Variants in USP9X observed in about 807,000 individuals in gnomAD.
The protein encoded by USP9X is ubiquitin carboxyl-terminal hydrolase 9X.
In USP9X, 7 loss-of-function variants were observed where a neutral mutation model predicts 190.3. The observed-to-expected ratio is 0.04, with a 90% confidence interval of 0.02 to 0.07. The LOEUF (loss-of-function observed/expected upper bound fraction) is 0.07, where lower values mean the gene tolerates loss of function less well. Ranked by LOEUF, USP9X falls within the 10% of genes least tolerant of loss-of-function variation. The pLI is 1.00. For synonymous variants in USP9X, 645 were observed against 659.5 expected, an observed-to-expected ratio of 0.98 and a Z score of 0.34; for missense variants, 1,010 against 1,916.9, an observed-to-expected ratio of 0.53 and a Z score of 8.83.
chrX:41,159,696 AT>A (rs778019374), intron 14 of USP9X, among the ~76,000 whole-genome samples: 10 of 107,405 alleles, frequency 9.3e-5, no homozygotes, highest in African/African-American at 3.0e-4. Flanking sequence ...TTCCCGGCTA[AT>A]TTTTTTTTTG....
chrX:41,170,540 C>T lies in USP9X; in HGVS notation c.2948C>T (p.Ser983Phe). The change falls in exon 20 of 45, where the codon TCC (serine) becomes TTC (phenylalanine). Residue 983 changes from serine (S) to phenylalanine (F), a missense_variant. Physicochemically the swap from Ser to Phe is radical, Grantham distance 155. Transcript: ENST00000378308. The stretch of plus-strand genomic sequence containing the variant: ...AGCCCTGATAGCTCTTCTGATTCCT[C>T]CACTGGATCTCCTGGAAACCATGGT... ...PSSPDSSSDS[S>F]TGSPGNHGNH... 1 of 1,211,192 alleles carries T rather than the reference C, an allele frequency of 8.3e-7. No individual in the cohort carries two copies. The highest frequency in any genetic ancestry group is 1.7e-5 in the African/African-American group (1 of 57,801).
intron 1 of USP9X, among the ~76,000 whole-genome samples, chrX:41,108,967 G>A (rs748492471): frequency 9.0e-6 from 1 of 111,220 alleles, no homozygotes; most frequent in East Asian, 2.8e-4. Flanking sequence ...TCAAAGTTGG[G>A]GGTGTTGAGA....
At chrX:41,100,557 A>G in intron 1 of USP9X, among the ~76,000 whole-genome samples, 1 of 111,766 alleles carries the variant, frequency 8.9e-6, no homozygotes, top group Non-Finnish European at 1.9e-5. Context: ...CCTGTCTTGC[A>G]TTTCCAACGG....
chrX:41,099,798 A>G (rs1738572370), intron 1 of USP9X, among the ~76,000 whole-genome samples: 1 of 111,763 alleles, frequency 8.9e-6, no homozygotes. Flanking sequence ...GGAGATCGAG[A>G]CCATCCTGAC....
At chrX:41,171,760 CAG>C (rs2062728094) in intron 20 of USP9X, 76 bp from the exon 21 acceptor site, 10 of 1,092,707 alleles carry the variant, frequency 9.2e-6, no homozygotes, top group South Asian at 5.7e-5. Flanking sequence ...GGGATTAACA[CAG>C]AGAAACTTAC....
chrX:41,132,786 A>G (rs999033621), intron 4 of USP9X, among the ~76,000 whole-genome samples: 7 of 108,444 alleles, frequency 6.5e-5, no homozygotes, highest in Non-Finnish European at 1.3e-4. Flanking sequence ...GAAAGGTGTG[A>G]TTTTTCTCTT....
Position 41,147,771 on chromosome X carries a change from C to T in USP9X, c.1420-598C>T, listed in dbSNP as rs544625070. ...CCCGGTCAGCTTAATCGTTCTTCTG[C>T]TGTTTGACGTTAAGTTCGTTTCAGT... On this transcript the variant is annotated intron_variant, in intron 11 of 44. Transcript: ENST00000378308. 6.2e-5 allele frequency among the ~76,000 whole-genome samples: 7 copies of T among 112,162 alleles called. No homozygotes were observed. In the South Asian group the frequency reaches 2.6e-3, roughly 41 times the overall value.
chrX:41,099,466 C>T (rs920226514), intron 1 of USP9X, among the ~76,000 whole-genome samples: 1 of 110,613 alleles, frequency 9.0e-6, no homozygotes, highest in Non-Finnish European at 1.9e-5. Flanking sequence ...TCTTCCTTAT[C>T]AATACTTAGT....
chrX:41,139,090 C>T (rs2062399767), intron 6 of USP9X, among the ~76,000 whole-genome samples: 1 of 112,438 alleles, frequency 8.9e-6, no homozygotes, highest in Non-Finnish European at 1.9e-5. Flanking sequence ...TGTGTCCACA[C>T]CTGCTGTTTT....
intron 39 of USP9X, among the ~76,000 whole-genome samples, chrX:41,224,435 G>C (rs1017997579): frequency 3.6e-5 from 4 of 109,618 alleles, no homozygotes; most frequent in African/African-American, 1.3e-4. Flanking sequence ...AAGAGTTCAA[G>C]ACCAGCCTGG....
At position 41,184,374 on chromosome X, in the gene USP9X, C is replaced by G. The variant is rs759133661; in HGVS notation, c.3280-23C>G. On this transcript the variant is annotated intron_variant, in intron 22 of 44. Coordinates refer to ENST00000378308, the MANE Select transcript of USP9X (RefSeq NM_001039591.3). ...TTTAAATCTTTTAATACAGCCCTCT[C>G]CCCCTCTTCTCTATTTTTCCAGGTA... The G allele has an allele frequency of 2.5e-6, 3 of 1,197,632 alleles. No individual in the cohort carries two copies. In the African/African-American group the frequency reaches 5.3e-5, roughly 21 times the overall value.
At chrX:41,087,202 G>A (rs2061919816) in intron 1 of USP9X, among the ~76,000 whole-genome samples, 1 of 112,561 alleles carries the variant, frequency 8.9e-6, no homozygotes, top group Non-Finnish European at 1.9e-5. Context: ...ATTTTTCGGG[G>A]AGAGAAGTAT....
chrX:41,222,665 C>T (rs190487505), intron 38 of USP9X, among the ~76,000 whole-genome samples: 2 of 111,166 alleles, frequency 1.8e-5, no homozygotes, highest in East Asian at 5.6e-4. Context: ...GGCTCATAAT[C>T]CCAGCACTGT....
chrX:41,111,512 G>GT (rs1433967482), intron 1 of USP9X, among the ~76,000 whole-genome samples: 2 of 111,981 alleles, frequency 1.8e-5, no homozygotes, highest in East Asian at 2.8e-4. Flanking sequence ...GAGCTTTTAT[G>GT]TTTTAGTAAG....
chrX:41,110,647 C>T (rs2062102660), intron 1 of USP9X, among the ~76,000 whole-genome samples: 1 of 111,669 alleles, frequency 9.0e-6, no homozygotes, highest in Non-Finnish European at 1.9e-5. Flanking sequence ...GTGCCTGAGA[C>T]AAATACTTAA....
chrX:41,177,534 C>G (rs1191220911), intron 21 of USP9X, among the ~76,000 whole-genome samples: 1 of 112,074 alleles, frequency 8.9e-6, no homozygotes, highest in Non-Finnish European at 1.9e-5. Context: ...GTGACATTAA[C>G]CCAGATCACT....
chrX:41,219,028 A>G lies in USP9X; in HGVS notation c.6436-74A>G, dbSNP rs768965802. The G allele has an allele frequency of 2.7e-5, 28 of 1,047,736 alleles. No individual in the cohort carries two copies. The African/African-American group carries it at 4.7e-4, about 18-fold the overall frequency. The allele number at this position is 1,047,736 out of a possible 1,213,427, so 86.3% of individuals were successfully genotyped here. A position where few individuals can be genotyped will look rare whatever the true frequency, so the allele number is the denominator to read the frequency against. On this transcript the variant is annotated intron_variant, in intron 37 of 44. Transcript: ENST00000378308. ...TGTATGCCTGTATCAGCATATGTGC[A>G]TGTCCTTTTTATGCAAGTAGAAGTA...
intron 32 of USP9X, among the ~76,000 whole-genome samples, chrX:41,208,733 A>C (rs1475421175): frequency 9.2e-6 from 1 of 108,185 alleles, no homozygotes; most frequent in Admixed American, 9.9e-5. Context: ...TTTGAGATGG[A>C]GTCTCGCTCT....
chrX:41,170,690 G>C (rs2062717814), intron 20 of USP9X, 71 bp downstream of exon 20: 7 of 1,032,477 alleles, frequency 6.8e-6, no homozygotes, highest in Non-Finnish European at 9.0e-6. Context: ...AAAGTATATA[G>C]AGTGGTTCTT....
Sources: gnomAD v4.1 joint callset for allele counts (sites outside exome capture counted in the v4.1 genomes callset) on GRCh38, gnomAD v4.1.1 for gene constraint, MANE v1.5 for transcripts, NCBI Gene and HGNC (gene_info 2026-07-23, HGNC 2026-07-21) for gene names.